Variants in RGS5 observed in about 807,000 individuals in gnomAD.
RGS5 encodes regulator of G-protein signalling 5.
In RGS5, 20 loss-of-function variants were observed where a neutral mutation model predicts 18.9. The observed-to-expected ratio is 1.06, with a 90% CI of 0.74 to 1.54. The LOEUF (loss-of-function observed/expected upper bound fraction) is 1.54, where lower values mean the gene tolerates loss of function less well. Ranked by LOEUF, RGS5 falls within the 40% of genes most tolerant of loss-of-function variation. The pLI, the probability that RGS5 is intolerant of heterozygous loss-of-function variation, is 0.00. For synonymous variants in RGS5, 57 were observed against 76.2 expected (o/e 0.75, Z 1.31); for missense variants, 201 against 211.8 (o/e 0.95, Z 0.32).
rs915353190 is a variant in RGS5 at position 163,142,721 on chromosome 1, A to G, written c.*4621T>C. On this transcript the variant is annotated 3_prime_UTR_variant, in exon 5 of 5. Transcript: ENST00000313961. ...CTAGAAAGGAAGTTAAATGCTTTTA[A>G]TGTATTAATTATTACATTATTGAAG... is the stretch of plus-strand genomic sequence containing the variant. 5.9e-5 allele frequency: 9 copies of G among 152,100 alleles called. No individual in the cohort carries two copies. Among genetic ancestry groups the G allele is most frequent in the Non-Finnish European group, 1.2e-4 (8 of 68,010 alleles). 9.4% of individuals were successfully genotyped at this position (152,100 alleles called of 1,614,324 possible).
chr1:163,180,567 T>C (rs1658773471), intron 1 of RGS5, among the ~76,000 whole-genome samples: 1 of 152,138 alleles, frequency 6.6e-6, no homozygotes, highest in East Asian at 1.9e-4. Context: ...CCCACGTTTT[T>C]TGGGTGTACA....
In RGS5 at chr1:163,151,539, A is replaced by G. The variant is rs567849507; in HGVS notation, c.384+1011T>C. 8.5e-5 allele frequency among the ~76,000 whole-genome samples: 13 copies of G among 152,322 alleles called. No homozygotes were observed. The East Asian group carries it at 2.5e-3, about 29-fold the overall frequency. ...ATTCCCACATGTCAAGGGCAGGACC[A>G]GGTGGCAATAATTGAATCATGGGGG... On this transcript the variant is annotated intron_variant, in intron 4 of 4. Coordinates refer to ENST00000313961, the MANE Select transcript of RGS5 (RefSeq NM_003617.4).
At chr1:163,231,199 TA>T (rs1204883851) in intron 2 of RGS5, among the ~76,000 whole-genome samples, 3 of 152,146 alleles carry the variant, frequency 2.0e-5, no homozygotes, top group East Asian at 1.9e-4. Context: ...TAAATTACAA[TA>T]AAAAAATGAA....
At chr1:163,152,490 TA>T in intron 4 of RGS5, 59 bp downstream of exon 4, 1 of 1,517,558 alleles carries the variant, frequency 6.6e-7, no homozygotes, top group Non-Finnish European at 8.8e-7. Context: ...GTCTCAGATG[TA>T]AATCCTTCCT....
chr1:163,304,624 T>A (rs1649647663), intron 2 of RGS5: 1 of 152,238 alleles, frequency 6.6e-6, no homozygotes, highest in South Asian at 2.1e-4. Context: ...TTGCTGTATA[T>A]TAATATGCAC....
At chr1:163,252,514 T>A (rs1648137026) in intron 2 of RGS5, among the ~76,000 whole-genome samples, 1 of 152,296 alleles carries the variant, frequency 6.6e-6, no homozygotes, top group South Asian at 2.1e-4. Flanking sequence ...ATGTTATAGA[T>A]CACAAGTGTT....
At chr1:163,151,357 G>C (rs940276603) in intron 4 of RGS5, among the ~76,000 whole-genome samples, 2 of 152,132 alleles carry the variant, frequency 1.3e-5, no homozygotes, top group Admixed American at 6.5e-5. Context: ...CAAAAAAAGA[G>C]AGGTGTTTAA....
In RGS5 at chr1:163,216,612, G is replaced by A. The variant is rs186080594; in HGVS notation, c.69+914C>T. On this transcript the variant is annotated intron_variant, in intron 1 of 5. Coordinates refer to the RGS5 transcript ENST00000367903. The stretch of plus-strand genomic sequence containing the variant: ...GCAAACTACTTTTAGGAGATTTTTC[G>A]TAGGTCGTCATTTGCAATCACAAAA... Among the ~76,000 whole-genome samples the A allele has an allele frequency of 1.2e-4, 19 of 152,242 alleles. No homozygotes were observed. In the East Asian group the frequency reaches 2.7e-3, roughly 22 times the overall value.
intron 2 of RGS5, among the ~76,000 whole-genome samples, chr1:163,230,025 C>A (rs1253723195): frequency 6.6e-6 from 1 of 152,164 alleles, no homozygotes; most frequent in Admixed American, 6.5e-5. Context: ...TAGAAACAAG[C>A]CTCTCTTCAT....
chr1:163,264,470 T>TC (rs1232566648), intron 2 of RGS5, among the ~76,000 whole-genome samples: 1 of 152,142 alleles, frequency 6.6e-6, no homozygotes, highest in Non-Finnish European at 1.5e-5. Context: ...GTTCATTATT[T>TC]CCCCTGTATC....
intron 2 of RGS5, among the ~76,000 whole-genome samples, chr1:163,229,527 T>C (rs899975277): frequency 4.6e-5 from 7 of 152,170 alleles, no homozygotes; most frequent in African/African-American, 1.7e-4. Context: ...AAGACTGACA[T>C]ATGTTCCCTC....
At chr1:163,230,914 T>C (rs1173812382) in intron 2 of RGS5, among the ~76,000 whole-genome samples, 1 of 152,192 alleles carries the variant, frequency 6.6e-6, no homozygotes, top group East Asian at 1.9e-4. Flanking sequence ...CAGAGACACA[T>C]TACAAAAAAT....
At chr1:163,282,218 G>C (rs925259264) in intron 2 of RGS5, among the ~76,000 whole-genome samples, 5 of 151,638 alleles carry the variant, frequency 3.3e-5, no homozygotes, top group Admixed American at 3.3e-4. Context: ...CAGAATATAC[G>C]AACAACTCAA....
intron 2 of RGS5, among the ~76,000 whole-genome samples, chr1:163,250,779 G>T (rs763044165): frequency 9.2e-5 from 14 of 152,162 alleles, no homozygotes; most frequent in African/African-American, 1.4e-4. Flanking sequence ...GGTAGAGAGG[G>T]TAAGAATAAA....
intron 1 of RGS5, among the ~76,000 whole-genome samples, chr1:163,191,031 C>T (rs1348291030): frequency 6.6e-6 from 1 of 152,094 alleles, no homozygotes; most frequent in Non-Finnish European, 1.5e-5. Flanking sequence ...GTGACGGCCA[C>T]CTGGGTCCAT....
intron 2 of RGS5, among the ~76,000 whole-genome samples, chr1:163,271,547 T>C (rs77422452): frequency 0.066 from 10,027 of 152,238 alleles, 367 homozygotes; most frequent in Middle Eastern, 0.13. Context: ...GAAATAAATT[T>C]CTGTGGTTTA....
At chr1:163,187,985 T>C (rs1468874142) in intron 1 of RGS5, among the ~76,000 whole-genome samples, 1 of 152,048 alleles carries the variant, frequency 6.6e-6, no homozygotes, top group Non-Finnish European at 1.5e-5. Context: ...TCTCAGCTGG[T>C]GTCCACTGCT....
chr1:163,263,333 C>A (rs1328802907), intron 2 of RGS5, among the ~76,000 whole-genome samples: 1 of 152,150 alleles, frequency 6.6e-6, no homozygotes, highest in African/African-American at 2.4e-5. Flanking sequence ...TCTTCAGATT[C>A]TTGAACTAGG....
At position 163,202,860 on chromosome 1, in the gene RGS5, G is replaced by A. The variant is rs997437095; in HGVS notation, c.-25C>T. On this transcript the variant is annotated 5_prime_UTR_variant, in exon 1 of 5. Coordinates refer to ENST00000313961, the MANE Select transcript of RGS5 (RefSeq NM_003617.4). ...TTTTGGCAGGTGGCTTAGCTCCTCC[G>A]CTTTAAGTACAACTTCTTAACAGCA... The A allele has an allele frequency of 3.7e-6, 6 of 1,611,124 alleles. No individual in the cohort carries two copies. The highest frequency in any genetic ancestry group is 5.1e-6 in the Non-Finnish European group (6 of 1,177,884).
Sources: allele counts gnomAD v4.1 joint callset (sites outside exome capture counted in the v4.1 genomes callset), GRCh38; gene constraint gnomAD v4.1.1; transcripts MANE v1.5; gene names NCBI Gene and HGNC (gene_info 2026-07-23, HGNC 2026-07-21).